FSTL4: variants seen among roughly 807,000 people sequenced by gnomAD.
FSTL4 encodes follistatin like 4, also known as follistatin-related protein 4.
FSTL4 carries 28 observed loss-of-function variants against 78.2 expected under a neutral mutation model. The ratio of observed to expected loss-of-function variants is 0.36; its 90% CI spans 0.27 to 0.49. The LOEUF is 0.49. Ranked by LOEUF, FSTL4 falls within the 20% of genes least tolerant of loss-of-function variation. The pLI, the probability that FSTL4 is intolerant of heterozygous loss-of-function variation, is 0.98. For synonymous variants in FSTL4, 422 were observed against 440.5 expected (o/e 0.96, Z 0.53); for missense variants, 922 against 1,084.9 (o/e 0.85, Z 2.11).
intron 2 of FSTL4, among the ~76,000 whole-genome samples, chr5:133,571,168 A>G (rs956628992): frequency 9.2e-5 from 14 of 152,180 alleles, no homozygotes; most frequent in African/African-American, 3.4e-4. Flanking sequence ...TACTAAAGAG[A>G]CAAAAATTAG....
chr5:133,358,617 G>A (rs1379193728), intron 4 of FSTL4, among the ~76,000 whole-genome samples: 6 of 143,834 alleles, frequency 4.2e-5, no homozygotes, highest in Non-Finnish European at 7.5e-5. Flanking sequence ...TTTTTTTGAG[G>A]CGGAGTCTCA....
At chr5:133,712,405 A>G in the FSTL4 span, among the ~76,000 whole-genome samples, 1 of 152,136 alleles carries the variant, frequency 6.6e-6, no homozygotes, top group African/African-American at 2.4e-5. Flanking sequence ...GTGCCCCTAG[A>G]TAGGCAGTCT....
the FSTL4 span, among the ~76,000 whole-genome samples, chr5:133,654,543 C>A: frequency 6.6e-6 from 1 of 152,196 alleles, no homozygotes; most frequent in East Asian, 1.9e-4. Flanking sequence ...TGCTCATTGC[C>A]TGCATTCTCT....
At chr5:133,250,656 A>G (rs1463536097) in intron 6 of FSTL4, among the ~76,000 whole-genome samples, 2 of 152,268 alleles carry the variant, frequency 1.3e-5, no homozygotes, top group East Asian at 3.8e-4. Context: ...GCAGCCCCGC[A>G]GGCAGCACAT....
At chr5:133,322,425 A>G (rs1754093830) in intron 4 of FSTL4, among the ~76,000 whole-genome samples, 1 of 152,150 alleles carries the variant, frequency 6.6e-6, no homozygotes, top group African/African-American at 2.4e-5. Flanking sequence ...GGCTCCCCCA[A>G]AGCAGTCCCT....
chr5:133,801,995 C>G, the FSTL4 span, among the ~76,000 whole-genome samples: 2 of 151,600 alleles, frequency 1.3e-5, no homozygotes, highest in African/African-American at 4.9e-5. Context: ...CCTACTGTGC[C>G]CTTCTCAAGG....
chr5:133,349,098 AAAAT>A (rs759825500), intron 4 of FSTL4, among the ~76,000 whole-genome samples: 145 of 152,312 alleles, frequency 9.5e-4, no homozygotes, highest in Non-Finnish European at 2.5e-4. Context: ...TGTCCTCGTG[AAAAT>A]AAATAAAACA....
chr5:133,574,947 G>A (rs1760247058), intron 2 of FSTL4: 1 of 152,166 alleles, frequency 6.6e-6, no homozygotes, highest in Non-Finnish European at 1.5e-5. Flanking sequence ...TGGTTTGTGG[G>A]ATGCTGGAAA....
At chr5:133,759,564 G>C in the FSTL4 span, among the ~76,000 whole-genome samples, 1 of 152,172 alleles carries the variant, frequency 6.6e-6, no homozygotes, top group Non-Finnish European at 1.5e-5. Context: ...TCCAACAATA[G>C]GGCCCAGTAC....
intron 4 of FSTL4, among the ~76,000 whole-genome samples, chr5:133,336,576 C>G (rs1379818664): frequency 6.6e-6 from 1 of 152,188 alleles, no homozygotes; most frequent in Non-Finnish European, 1.5e-5. Flanking sequence ...TTCCCTGCCC[C>G]CATTGACCCA....
the FSTL4 span, among the ~76,000 whole-genome samples, chr5:133,827,087 G>C: frequency 6.6e-6 from 1 of 152,224 alleles, no homozygotes; most frequent in Non-Finnish European, 1.5e-5. Context: ...GGAGCCATTT[G>C]CTTTCCCCAC....
chr5:133,267,527 G>A (rs1241315098), intron 6 of FSTL4, among the ~76,000 whole-genome samples: 1 of 152,186 alleles, frequency 6.6e-6, no homozygotes, highest in African/African-American at 2.4e-5. Flanking sequence ...GTCTCAAGTG[G>A]ATCCTCTCCC....
At chr5:133,258,293 T>C (rs1158631626) in intron 6 of FSTL4, among the ~76,000 whole-genome samples, 1 of 152,226 alleles carries the variant, frequency 6.6e-6, no homozygotes, top group African/African-American at 2.4e-5. Flanking sequence ...GTTCGAGCAT[T>C]ATCCTGGGTG....
At chr5:133,429,188 G>A (rs1039418365) in intron 3 of FSTL4, among the ~76,000 whole-genome samples, 2 of 152,154 alleles carry the variant, frequency 1.3e-5, no homozygotes, top group Admixed American at 1.3e-4. Context: ...CTGCTCGTAG[G>A]ACGCCCACAG....
chr5:133,752,622 A>AT, the FSTL4 span, among the ~76,000 whole-genome samples: 196 of 152,080 alleles, frequency 1.3e-3, no homozygotes, highest in East Asian at 8.7e-3. Flanking sequence ...ATAAAATAAA[A>AT]TAAAATTAAA....
At chr5:133,233,079 C>T (rs906229916) in intron 8 of FSTL4, among the ~76,000 whole-genome samples, 2 of 152,252 alleles carry the variant, frequency 1.3e-5, no homozygotes, top group Non-Finnish European at 2.9e-5. Flanking sequence ...ACCCAGAGGC[C>T]ACAGCGGCTC....
At chr5:133,377,967 A>C (rs1755477761) in intron 4 of FSTL4, among the ~76,000 whole-genome samples, 1 of 152,220 alleles carries the variant, frequency 6.6e-6, no homozygotes, top group African/African-American at 2.4e-5. Context: ...GAAGCTAAAG[A>C]AGCCAGCAGA....
chr5:133,420,575 C>G (rs1756669602), intron 3 of FSTL4, among the ~76,000 whole-genome samples: 1 of 152,208 alleles, frequency 6.6e-6, no homozygotes, highest in Non-Finnish European at 1.5e-5. Context: ...GAAGGGGGCT[C>G]TCAGGCAGGG....
At chr5:133,266,289 T>C (rs1426642357) in intron 6 of FSTL4, among the ~76,000 whole-genome samples, 1 of 152,274 alleles carries the variant, frequency 6.6e-6, no homozygotes, top group Non-Finnish European at 1.5e-5. Context: ...GTCCTGACCT[T>C]GGCAGCTTCT....
Sources: gnomAD v4.1 joint callset for allele counts (sites outside exome capture counted in the v4.1 genomes callset) on GRCh38, gnomAD v4.1.1 for gene constraint, MANE v1.5 for transcripts, NCBI Gene and HGNC (gene_info 2026-07-23, HGNC 2026-07-21) for gene names.